The following MTA3 variants were observed in gnomAD, a reference collection of about 807,000 sequenced individuals.
MTA3 encodes the protein metastasis-associated protein MTA3.
In MTA3, 34 loss-of-function variants were observed where a neutral mutation model predicts 83.5. The observed-to-expected ratio is 0.41, with a 90% CI of 0.31 to 0.54. The LOEUF (loss-of-function observed/expected upper bound fraction) is 0.54, where lower values mean the gene tolerates loss of function less well. MTA3 is among the 20% of genes least tolerant of loss of function. The pLI is 0.33. For synonymous variants in MTA3, 303 were observed against 252.7 expected (o/e 1.20, Z -1.89); for missense variants, 761 against 726.4 (o/e 1.05, Z -0.55).
At chr2:42,615,787 C>T (rs1292288699) in intron 4 of MTA3, among the ~76,000 whole-genome samples, 2 of 119,512 alleles carry the variant, frequency 1.7e-5, no homozygotes, top group East Asian at 2.9e-4. Context: ...GTGGCCTGAT[C>T]TTGGCTCACT....
chr2:42,637,137 C>T (rs980876736), intron 4 of MTA3, among the ~76,000 whole-genome samples: 2 of 152,184 alleles, frequency 1.3e-5, no homozygotes, highest in Non-Finnish European at 2.9e-5. Context: ...CAGCACCCTG[C>T]GCAGTCTCTG....
chr2:42,728,485 AT>A (rs745773113), intron 16 of MTA3, among the ~76,000 whole-genome samples: 1 of 152,076 alleles, frequency 6.6e-6, no homozygotes, highest in Non-Finnish European at 1.5e-5. Context: ...TGGTAGTTCT[AT>A]TTTTAGTTTT....
intron 4 of MTA3, among the ~76,000 whole-genome samples, chr2:42,633,592 A>G (rs13404066): frequency 0.42 from 63,314 of 151,080 alleles, 13,850 homozygotes; most frequent in Middle Eastern, 0.53. Flanking sequence ...AAAGAAGTCC[A>G]TTAAAAATCA....
intron 8 of MTA3, among the ~76,000 whole-genome samples, chr2:42,678,967 A>G (rs1573590661): frequency 6.6e-6 from 1 of 152,114 alleles, no homozygotes; most frequent in Non-Finnish European, 1.5e-5. Flanking sequence ...TTCTCATTTG[A>G]CCCTCACAAG....
At chr2:42,578,260 ATG>A (rs1444322074) in intron 2 of MTA3, among the ~76,000 whole-genome samples, 3 of 152,188 alleles carry the variant, frequency 2.0e-5, no homozygotes, top group African/African-American at 7.2e-5. Context: ...TTTGTAATGA[ATG>A]ATTGACCTTC....
intron 2 of MTA3, among the ~76,000 whole-genome samples, chr2:42,508,673 A>C: frequency 6.6e-6 from 1 of 151,270 alleles, no homozygotes; most frequent in Non-Finnish European, 1.5e-5. Flanking sequence ...ACGTAGTTTC[A>C]TTGACTGTAA....
chr2:42,572,025 C>G (rs1678543091), intron 2 of MTA3, among the ~76,000 whole-genome samples: 1 of 151,910 alleles, frequency 6.6e-6, no homozygotes, highest in Non-Finnish European at 1.5e-5. Context: ...CGCCTGTAAT[C>G]CTAGCACTTT....
chr2:42,567,287 G>A (rs1435473161), upstream of MTA3, among the ~76,000 whole-genome samples: 3 of 152,152 alleles, frequency 2.0e-5, no homozygotes, highest in African/African-American at 7.2e-5. Context: ...GAGGAAACAG[G>A]TCATAGAGTC....
chr2:42,754,895 C>G lies in MTA3; in HGVS notation c.*1496C>G. The G allele has an allele frequency of 2.0e-5, 20 of 985,578 alleles. No individual in the cohort carries two copies. Among genetic ancestry groups the G allele is most frequent in the Non-Finnish European group, 2.2e-5 (18 of 830,086 alleles). The allele number at this position is 985,578 out of a possible 1,614,324, so 61.1% of individuals were successfully genotyped here. ...CTGTGTGAGGTGGAGGGCGGTTTTG[C>G]AGACATCTCAGCTTCTTTTCTGAGG... On this transcript the variant is annotated 3_prime_UTR_variant, in exon 17 of 17. Coordinates refer to ENST00000405094, the MANE Select transcript of MTA3 (RefSeq NM_001330442.2).
intron 6 of MTA3, among the ~76,000 whole-genome samples, chr2:42,655,641 C>T (rs142637272): frequency 1.1e-3 from 174 of 152,266 alleles, no homozygotes; most frequent in African/African-American, 3.9e-3. Context: ...CTTACTCTGT[C>T]GCCCAGGTTG....
intron 6 of MTA3, among the ~76,000 whole-genome samples, chr2:42,652,331 T>G (rs1324061614): frequency 1.3e-5 from 2 of 151,990 alleles, no homozygotes; most frequent in Admixed American, 6.6e-5. Flanking sequence ...GCATTTGCGG[T>G]TTACTTCACT....
chr2:42,724,689 G>C (rs922888244), intron 16 of MTA3, among the ~76,000 whole-genome samples: 1 of 152,100 alleles, frequency 6.6e-6, no homozygotes, highest in African/African-American at 2.4e-5. Context: ...TAGCATAGCA[G>C]CTTTCTGGTA....
At chr2:42,719,138 A>T in intron 15 of MTA3, 64 bp downstream of exon 15, 2 of 1,229,134 alleles carry the variant, frequency 1.6e-6, no homozygotes, top group South Asian at 2.6e-5. Context: ...GATATTTGGC[A>T]ATTCTAAATG....
At chr2:42,527,239 G>A (rs1268016656) in intron 2 of MTA3, among the ~76,000 whole-genome samples, 1 of 151,882 alleles carries the variant, frequency 6.6e-6, no homozygotes, top group Non-Finnish European at 1.5e-5. Flanking sequence ...ACAAATCAAG[G>A]CTCAGCTGTG....
At chr2:42,726,914 G>T (rs1023979433) in intron 16 of MTA3, among the ~76,000 whole-genome samples, 1 of 152,154 alleles carries the variant, frequency 6.6e-6, no homozygotes, top group Non-Finnish European at 1.5e-5. Flanking sequence ...GTATACATAG[G>T]GGGAGTGGTG....
At chr2:42,504,168 G>A (rs1418757742) in intron 2 of MTA3, among the ~76,000 whole-genome samples, 8 of 152,102 alleles carry the variant, frequency 5.3e-5, no homozygotes, top group African/African-American at 1.9e-4. Context: ...AACCTCAGGT[G>A]ATCCATCCGC....
intron 2 of MTA3, among the ~76,000 whole-genome samples, chr2:42,521,084 C>T (rs765349560): frequency 6.6e-6 from 1 of 152,182 alleles, no homozygotes; most frequent in African/African-American, 2.4e-5. Context: ...GGGGATTGGA[C>T]CTAGTGGCTC....
chr2:42,531,989 C>T (rs1017925231), intron 2 of MTA3, among the ~76,000 whole-genome samples: 1 of 152,148 alleles, frequency 6.6e-6, no homozygotes, highest in African/African-American at 2.4e-5. Context: ...ATCTCCTGAC[C>T]TCATGATCTG....
chr2:42,616,758 T>C (rs1684944963), intron 4 of MTA3, among the ~76,000 whole-genome samples: 1 of 151,890 alleles, frequency 6.6e-6, no homozygotes, highest in African/African-American at 2.4e-5. Flanking sequence ...TTTGTATTTT[T>C]TGTAGAGACG....
Sources: gnomAD v4.1 joint callset for allele counts (sites outside exome capture counted in the v4.1 genomes callset) on GRCh38, gnomAD v4.1.1 for gene constraint, MANE v1.5 for transcripts, NCBI Gene and HGNC (gene_info 2026-07-23, HGNC 2026-07-21) for gene names.